The following YTHDF1 variants were observed in gnomAD, a reference collection of about 807,000 sequenced individuals.
The protein encoded by YTHDF1 is YTH N6-methyladenosine RNA binding protein F1, also known as YTH domain-containing family protein 1.
In YTHDF1, 16 loss-of-function variants were observed where a neutral mutation model predicts 49.1. That is an observed-to-expected ratio of 0.33 (90% confidence interval 0.22 to 0.49). YTHDF1 has a LOEUF of 0.49. YTHDF1 is among the 20% of genes least tolerant of loss of function. The pLI is 0.99. For synonymous variants in YTHDF1, 313 were observed against 290.1 expected (o/e 1.08, Z -0.80); for missense variants, 621 against 744.3 (o/e 0.83, Z 1.93).
In YTHDF1 at chr20:63,203,722, G is replaced by A; in HGVS notation, c.218C>T (p.Ala73Val). 6.2e-7 allele frequency: 1 copy of A among 1,614,202 alleles called. No homozygotes were observed. Among genetic ancestry groups the A allele is most frequent in the South Asian group, 1.1e-5 (1 of 91,082 alleles). ...SIGFPYSLNEAPWSTAGDPPI... is the reference protein window; with the variant it reads ...SIGFPYSLNEVPWSTAGDPPI... ...AGGGTCCCCTGCAGTAGACCACGGA[G>A]CCTCATTGAGGGAGTAAGGAAATCC... is the stretch of plus-strand genomic sequence containing the variant. Residue 73 changes from alanine (A) to valine (V), a missense_variant, in exon 4 of 5, where the codon GCT becomes GTT. Physicochemically the swap from Ala to Val is moderately conservative, Grantham distance 64. Around this residue, in one of 2 missense-constraint regions of YTHDF1, gnomAD observed 470 missense variants for 495.8 expected, o/e 0.95. Transcript: ENST00000370339. The surrounding 1 kb of genome is among the most constrained non-coding windows in gnomAD (Gnocchi z 4.4).
At chr20:63,214,427 C>G (rs1056345950) in intron 2 of YTHDF1, among the ~76,000 whole-genome samples, 1 of 152,178 alleles carries the variant, frequency 6.6e-6, no homozygotes, top group Non-Finnish European at 1.5e-5. Flanking sequence ...TGAGACAGGT[C>G]TCAGTTAATT....
rs187426061 is a variant in YTHDF1, at chr20:63,199,679, G to A, written c.1653+2608C>T. Among the ~76,000 whole-genome samples, 16 of 152,292 alleles carry A rather than the reference G, an allele frequency of 1.1e-4. 1 individual carries two copies. The highest frequency in any genetic ancestry group is 3.6e-4 in the African/African-American group (15 of 41,560). ...TAAGCACAAGGCCTAGAGCACCTTC[G>A]CAGGCAGGGAGAGCCAGCAGCGAAG... On this transcript the variant is annotated intron_variant, in intron 4 of 4. Transcript: ENST00000370339.
chr20:63,214,428 T>G (rs1266579096), intron 2 of YTHDF1, among the ~76,000 whole-genome samples: 3 of 152,216 alleles, frequency 2.0e-5, no homozygotes, highest in African/African-American at 4.8e-5. Context: ...GAGACAGGTC[T>G]CAGTTAATTT....
intron 3 of YTHDF1, among the ~76,000 whole-genome samples, chr20:63,210,472 C>T (rs922953083): frequency 2.6e-5 from 4 of 152,080 alleles, no homozygotes; most frequent in Admixed American, 6.5e-5. Flanking sequence ...CAGAAGTCCC[C>T]GAGCAGGAAA....
chr20:63,196,590 A>T lies in YTHDF1; in HGVS notation c.*118T>A. 1.7e-6 allele frequency: 2 copies of T among 1,203,038 alleles called. No individual in the cohort carries two copies. The highest frequency in any genetic ancestry group is 3.1e-5 in the African/African-American group (2 of 65,212). The allele number at this position is 1,203,038 out of a possible 1,614,324, so 74.5% of individuals were successfully genotyped here. A position where few individuals can be genotyped will look rare whatever the true frequency, so the allele number is the denominator to read the frequency against. ...TCTGGGCAAAAATCAACGACAAGAA[A>T]GGCAAAGATGCAACACTCAACCCCC... On this transcript the variant is annotated 3_prime_UTR_variant, in exon 5 of 5. Coordinates refer to ENST00000370339, the MANE Select transcript of YTHDF1 (RefSeq NM_017798.4).
rs746363292 is a variant in YTHDF1, at chr20:63,202,567, T to C, written c.1373A>G (p.Tyr458Cys). The C allele has an allele frequency of 2.5e-6, 4 of 1,614,228 alleles. No homozygotes were observed. The Admixed American group carries it at 5.0e-5, about 20-fold the overall frequency. ...GVAEMKSPVD[Y>C]GTSAGVWSQD... ...AGACCAGACCCCGGCACTGGTGCCG[T>C]AGTCCACGGGGGACTTCATCTCGGC... The change falls in exon 4 of 5, where the codon TAC (tyrosine) becomes TGC (cysteine). Residue 458 changes from tyrosine to cysteine, a missense_variant. Around this residue, in one of 2 missense-constraint regions of YTHDF1, gnomAD observed 151 missense variants for 248.5 expected, o/e 0.61. Transcript: ENST00000370339.
chr20:63,208,186 G>C (rs940987569), intron 3 of YTHDF1, among the ~76,000 whole-genome samples: 2 of 152,168 alleles, frequency 1.3e-5, no homozygotes, highest in Admixed American at 6.5e-5. Flanking sequence ...AGAGACTAGA[G>C]GGAGAAGCAG....
chr20:63,209,854 T>C (rs913683358), intron 3 of YTHDF1, among the ~76,000 whole-genome samples: 1 of 152,234 alleles, frequency 6.6e-6, no homozygotes, highest in African/African-American at 2.4e-5. Flanking sequence ...CATGGAGCTG[T>C]CATCTCCTGT....
chr20:63,212,671 G>A (rs938929002), intron 3 of YTHDF1, among the ~76,000 whole-genome samples: 2 of 152,200 alleles, frequency 1.3e-5, no homozygotes, highest in Non-Finnish European at 2.9e-5. Flanking sequence ...AACAGATACC[G>A]CTTCTCTTGG....
At chr20:63,215,228 C>A (rs988187536) in intron 2 of YTHDF1, among the ~76,000 whole-genome samples, 3 of 152,218 alleles carry the variant, frequency 2.0e-5, no homozygotes, top group African/African-American at 7.2e-5. Flanking sequence ...GAACCTTGGA[C>A]TGCCCCTCTC....
intron 2 of YTHDF1, among the ~76,000 whole-genome samples, chr20:63,214,374 T>C (rs866993350): frequency 1.3e-5 from 2 of 152,172 alleles, no homozygotes; most frequent in African/African-American, 4.8e-5. Flanking sequence ...TGAAGGACTG[T>C]TGGGAGCTAT....
chr20:63,204,429 A>G (rs1456667467), intron 3 of YTHDF1, among the ~76,000 whole-genome samples: 3 of 152,148 alleles, frequency 2.0e-5, no homozygotes, highest in Non-Finnish European at 2.9e-5. Flanking sequence ...CACCCTTCCT[A>G]GCAGATGGCC....
intron 3 of YTHDF1, among the ~76,000 whole-genome samples, chr20:63,212,847 G>A (rs1426107441): frequency 1.3e-5 from 2 of 152,196 alleles, no homozygotes; most frequent in East Asian, 3.8e-4. Flanking sequence ...GGAAGCCAGG[G>A]AGGCTGCTAA....
At chr20:63,208,811 T>C (rs560690353) in intron 3 of YTHDF1, among the ~76,000 whole-genome samples, 1 of 152,274 alleles carries the variant, frequency 6.6e-6, no homozygotes, top group South Asian at 2.1e-4. Context: ...GGAAGCCCTG[T>C]GCCAAGCATC....
Position 63,203,442 on chromosome 20 carries a change from C to T in YTHDF1, c.498G>A (p.Gln166=). The change falls in exon 4 of 5, where the codon CAG becomes CAA. Residue 166 remains glutamine (Q), a synonymous_variant. Coordinates refer to ENST00000370339, the MANE Select transcript of YTHDF1 (RefSeq NM_017798.4). This position sits in a 1 kb window ranked among gnomAD's most constrained non-coding sequence, Gnocchi z 4.4. ...SSLGGTVVDG[Q]PGFHSDTLSK... ...TGAGGGTGTCGCTGTGAAAGCCTGGCTGCCCATCAACCACCGTGCCACCCA... is the reference window on the plus strand; with the variant it reads ...TGAGGGTGTCGCTGTGAAAGCCTGGTTGCCCATCAACCACCGTGCCACCCA... 6.2e-7 allele frequency: 1 copy of T among 1,612,638 alleles called. No individual in the cohort carries two copies. The highest frequency in any genetic ancestry group is 8.5e-7 in the Non-Finnish European group (1 of 1,179,492).
At chr20:63,205,513 C>T (rs1196804832) in intron 3 of YTHDF1, among the ~76,000 whole-genome samples, 1 of 140,184 alleles carries the variant, frequency 7.1e-6, no homozygotes, top group African/African-American at 2.6e-5. Flanking sequence ...CCAGAACCCC[C>T]CCCTTTTTTT....
Position 63,202,845 on chromosome 20 carries a change from G to A in YTHDF1, c.1095C>T (p.His365=). 1 of 1,613,944 alleles carries A rather than the reference G, an allele frequency of 6.2e-7. No individual in the cohort carries two copies. The highest frequency in any genetic ancestry group is 8.5e-7 in the Non-Finnish European group (1 of 1,180,054). ...QPNSAPSVES[H]PVLEKLKAAH... ...CAGCCTTCAGTTTTTCAAGGACGGGGTGGGATTCGACGCTGGGGGCAGAAT... is the reference window on the plus strand; with the variant it reads ...CAGCCTTCAGTTTTTCAAGGACGGGATGGGATTCGACGCTGGGGGCAGAAT... The change falls in exon 4 of 5, where the codon CAC becomes CAT. Residue 365 remains histidine (H), a synonymous_variant. Transcript: ENST00000370339.
chr20:63,202,563 G>A lies in YTHDF1; in HGVS notation c.1377C>T (p.Gly459=). 6.2e-7 allele frequency: 1 copy of A among 1,614,246 alleles called. No individual in the cohort carries two copies. Among genetic ancestry groups the A allele is most frequent in the Non-Finnish European group, 8.5e-7 (1 of 1,180,056 alleles). Residue 459 remains glycine, a synonymous_variant, in exon 4 of 5, where the codon GGC becomes GGT. Coordinates refer to ENST00000370339, the MANE Select transcript of YTHDF1 (RefSeq NM_017798.4). The part of the protein sequence containing the change: ...VAEMKSPVDY[G]TSAGVWSQDK... Reference sequence around the variant, plus strand: ...CCTGAGACCAGACCCCGGCACTGGTGCCGTAGTCCACGGGGGACTTCATCT... The same window carrying A: ...CCTGAGACCAGACCCCGGCACTGGTACCGTAGTCCACGGGGGACTTCATCT...
At chr20:63,205,200 G>T (rs2066540004) in intron 3 of YTHDF1, among the ~76,000 whole-genome samples, 1 of 152,100 alleles carries the variant, frequency 6.6e-6, no homozygotes, top group African/African-American at 2.4e-5. Context: ...GGCATCAAAG[G>T]CTACACTATG....
Sources: gnomAD v4.1 joint callset for allele counts (sites outside exome capture counted in the v4.1 genomes callset) on GRCh38, gnomAD v4.1.1 for gene constraint, gnomAD v4.1.1 regional missense constraint, Gnocchi (gnomAD v3.1) non-coding constraint, MANE v1.5 for transcripts, NCBI Gene and HGNC (gene_info 2026-07-23, HGNC 2026-07-21) for gene names.